Variants in TANC2 observed in about 807,000 individuals in gnomAD.
TANC2 encodes protein TANC2.
TANC2 carries 26 observed loss-of-function variants against 210.5 expected under a neutral mutation model. That is an observed-to-expected ratio of 0.12 (90% CI 0.09 to 0.17). The LOEUF (loss-of-function observed/expected upper bound fraction) is 0.17, where lower values mean the gene tolerates loss of function less well. Ranked by LOEUF, TANC2 falls within the 10% of genes least tolerant of loss-of-function variation. TANC2 has a pLI of 1.00. For missense variants in TANC2, 2,129 were observed against 2,608.9 expected (o/e 0.82, Z 4.01); for synonymous variants, 931 against 967.1 (o/e 0.96, Z 0.69).
intron 14 of TANC2, among the ~76,000 whole-genome samples, chr17:63,366,955 A>G (rs751796909): frequency 6.6e-6 from 1 of 152,344 alleles, no homozygotes; most frequent in Non-Finnish European, 1.5e-5. Context: ...AGCAACAACT[A>G]AAGTTTAACT....
chr17:63,160,272 G>C (rs1286848795), intron 5 of TANC2, among the ~76,000 whole-genome samples: 2 of 152,196 alleles, frequency 1.3e-5, no homozygotes, highest in Non-Finnish European at 2.9e-5. Context: ...GGGCACAGTG[G>C]CTCATGCCTG....
intron 8 of TANC2, among the ~76,000 whole-genome samples, chr17:63,260,140 G>A: frequency 6.6e-6 from 1 of 152,208 alleles, no homozygotes; most frequent in Non-Finnish European, 1.5e-5. Flanking sequence ...AAAGTGGGAA[G>A]GAAGGAGGCA....
chr17:63,386,674 AAATGTGTTAAATAATAAACACT>A (rs902303531), intron 15 of TANC2, among the ~76,000 whole-genome samples: 183 of 152,338 alleles, frequency 1.2e-3, no homozygotes, highest in African/African-American at 4.3e-3. Flanking sequence ...TATATATAGA[AAATGTGTTAAATAATAAACACT>A]AATGTGTTAA....
intron 3 of TANC2, among the ~76,000 whole-genome samples, chr17:63,097,358 T>A (rs558901809): frequency 1.3e-5 from 2 of 152,262 alleles, no homozygotes; most frequent in African/African-American, 4.8e-5. Flanking sequence ...TGCCCATTTT[T>A]AAATTGGATT....
intron 9 of TANC2, among the ~76,000 whole-genome samples, chr17:63,283,910 A>G (rs1233596482): frequency 1.3e-5 from 2 of 151,892 alleles, no homozygotes; most frequent in African/African-American, 4.8e-5. Flanking sequence ...TTCTGCATAG[A>G]TGATCATGTT....
At chr17:63,165,225 G>A (rs2040171803) in intron 5 of TANC2, among the ~76,000 whole-genome samples, 1 of 152,040 alleles carries the variant, frequency 6.6e-6, no homozygotes. Context: ...AGTGAGCTAT[G>A]GTAGCACCAC....
At chr17:63,096,540 G>A (rs76191747) in intron 3 of TANC2, among the ~76,000 whole-genome samples, 4,305 of 152,210 alleles carry the variant, frequency 0.028, 78 homozygotes, top group South Asian at 0.037. Context: ...CACTTAGTAC[G>A]TTTTCAAGGC....
At chr17:62,986,285 A>G (rs758972023) in intron 1 of TANC2, among the ~76,000 whole-genome samples, 16 of 152,030 alleles carry the variant, frequency 1.1e-4, no homozygotes, top group Non-Finnish European at 1.6e-4. Flanking sequence ...TGGGTTTGGA[A>G]GCCGGGGACA....
At chr17:63,105,225 A>C (rs888900396) in intron 4 of TANC2, among the ~76,000 whole-genome samples, 4 of 151,794 alleles carry the variant, frequency 2.6e-5, no homozygotes, top group East Asian at 1.9e-4. Flanking sequence ...CTGATTTTCA[A>C]AGTATTTGTT....
intron 4 of TANC2, among the ~76,000 whole-genome samples, chr17:63,129,152 G>A (rs1306658292): frequency 6.6e-6 from 1 of 151,966 alleles, no homozygotes; most frequent in East Asian, 1.9e-4. Context: ...TACACCATGT[G>A]TCCGGCTGAT....
At chr17:63,169,281 T>C (rs576371540) in intron 5 of TANC2, among the ~76,000 whole-genome samples, 1 of 152,362 alleles carries the variant, frequency 6.6e-6, no homozygotes, top group East Asian at 1.9e-4. Flanking sequence ...TTAGTTCTTT[T>C]GTATTTTCAT....
intron 1 of TANC2, among the ~76,000 whole-genome samples, chr17:62,984,005 T>C (rs868028611): frequency 6.6e-6 from 1 of 152,140 alleles, no homozygotes; most frequent in East Asian, 1.9e-4. Flanking sequence ...GAGAATTCCC[T>C]CCACTTCAAT....
intron 3 of TANC2, among the ~76,000 whole-genome samples, chr17:63,098,513 GTGTA>G (rs1253117004): frequency 7.2e-5 from 9 of 125,418 alleles, no homozygotes; most frequent in South Asian, 5.3e-4. Flanking sequence ...CTCTCTCTGT[GTGTA>G]TATATATATA....
intron 4 of TANC2, among the ~76,000 whole-genome samples, chr17:63,146,999 A>G (rs1304105375): frequency 1.3e-5 from 2 of 152,104 alleles, no homozygotes; most frequent in African/African-American, 2.4e-5. Flanking sequence ...AACAACAACA[A>G]CAACACAAGA....
At chr17:62,980,376 C>T (rs1017378721) in intron 1 of TANC2, among the ~76,000 whole-genome samples, 9 of 152,152 alleles carry the variant, frequency 5.9e-5, no homozygotes, top group African/African-American at 1.9e-4. Flanking sequence ...AATCCAAAAT[C>T]TGAAATGCTC....
intron 1 of TANC2, among the ~76,000 whole-genome samples, chr17:62,972,957 C>A (rs917046627): frequency 1.3e-5 from 2 of 152,164 alleles, no homozygotes; most frequent in Non-Finnish European, 2.9e-5. Flanking sequence ...TTTGCTTACT[C>A]CTCCAGGTGG....
At chr17:63,345,253 T>C (rs963177284) in intron 12 of TANC2, among the ~76,000 whole-genome samples, 1 of 152,158 alleles carries the variant, frequency 6.6e-6, no homozygotes, top group Non-Finnish European at 1.5e-5. Flanking sequence ...TTAAAGAACT[T>C]AGTAAGTGGA....
intron 2 of TANC2, among the ~76,000 whole-genome samples, chr17:63,038,585 G>C (rs1441859234): frequency 6.6e-6 from 1 of 152,050 alleles, no homozygotes; most frequent in African/African-American, 2.4e-5. Flanking sequence ...AGAAATTGTA[G>C]AATTTGTTAT....
In TANC2 at chr17:63,289,908, A is replaced by T. The variant is rs184188879; in HGVS notation, c.1159+22035A>T. 1.9e-3 allele frequency among the ~76,000 whole-genome samples: 285 copies of T among 152,126 alleles called. 1 individual carries two copies. The highest frequency in any genetic ancestry group is 6.6e-3 in the African/African-American group (274 of 41,432). On this transcript the variant is annotated intron_variant, in intron 9 of 27. Transcript: ENST00000689528. ...TAGTGAGCTTGTGCCTCTGAACTGT[A>T]AGCTTCATAAGTGTTCCTCAGGTAT...
Sources: allele counts gnomAD v4.1 joint callset (sites outside exome capture counted in the v4.1 genomes callset), GRCh38; gene constraint gnomAD v4.1.1; transcripts MANE v1.5; gene names NCBI Gene and HGNC (gene_info 2026-07-23, HGNC 2026-07-21).